The following TRPM5 variants were observed in gnomAD, a reference collection of about 807,000 sequenced individuals.
The protein encoded by TRPM5 is MLSN1 and TRP-related.
TRPM5 carries 121 observed loss-of-function variants against 124.9 expected under a neutral mutation model. The observed-to-expected ratio is 0.97, with a 90% CI of 0.84 to 1.13. The LOEUF (loss-of-function observed/expected upper bound fraction) is 1.13, where lower values mean the gene tolerates loss of function less well. TRPM5 is among the 50% of genes most tolerant of loss of function. The probability of loss-of-function intolerance (pLI) is 0.00; values close to 1 mark genes in which losing one functional copy is unlikely to be tolerated. For synonymous variants in TRPM5, 781 were observed against 700.5 expected, an observed-to-expected ratio of 1.11 and a Z score of -1.81; for missense variants, 1,643 against 1,589.1, an observed-to-expected ratio of 1.03 and a Z score of -0.58.
At chr11:2,409,222 C>T (rs2133503634) in intron 18 of TRPM5, among the ~76,000 whole-genome samples, 1 of 152,292 alleles carries the variant, frequency 6.6e-6, no homozygotes, top group South Asian at 2.1e-4. Flanking sequence ...TAGGCCTGCC[C>T]CTCCTCTGTC....
the TRPM5 span, among the ~76,000 whole-genome samples, chr11:2,443,422 C>G: frequency 6.6e-6 from 1 of 152,206 alleles, no homozygotes; most frequent in African/African-American, 2.4e-5. This position sits in a 1 kb window ranked among gnomAD's most constrained non-coding sequence, Gnocchi z 5.0. Context: ...TCTTCTGACC[C>G]GCTGCCCTTC....
exon 24 of TRPM5, chr11:2,404,829 GGCTGGTGCCCCCTGGGGGGTTCC>G: frequency 1.2e-6 from 1 of 853,418 alleles, no homozygotes; most frequent in Non-Finnish European, 1.9e-6. Context: ...TCTGCTGGGG[GGCTGGTGCCCCCTGGGGGGTTCC>G]GCTGGAGGTC....
At chr11:2,415,945 G>T in exon 8 of TRPM5, 1 of 1,580,568 alleles carries the variant, frequency 6.3e-7, no homozygotes, top group South Asian at 1.2e-5. Flanking sequence ...CACTCTTGGC[G>T]ATGTCCACGC....
the TRPM5 span, among the ~76,000 whole-genome samples, chr11:2,443,176 T>C: frequency 1.3e-5 from 2 of 152,228 alleles, no homozygotes; most frequent in Admixed American, 1.3e-4. This position sits in a 1 kb window ranked among gnomAD's most constrained non-coding sequence, Gnocchi z 5.0. Flanking sequence ...CCCTTTACAC[T>C]TGAGCCTCTG....
chr11:2,439,263 G>A, the TRPM5 span, among the ~76,000 whole-genome samples: 2 of 152,148 alleles, frequency 1.3e-5, no homozygotes, highest in East Asian at 1.9e-4. Context: ...GGACATCAGC[G>A]CTGGGAAAGA....
At chr11:2,442,397 AC>A in the TRPM5 span, among the ~76,000 whole-genome samples, 2 of 145,532 alleles carry the variant, frequency 1.4e-5, no homozygotes, top group African/African-American at 5.6e-5. The surrounding 1 kb of genome is among the most constrained non-coding windows in gnomAD (Gnocchi z 5.9). Context: ...ACACACACAC[AC>A]ACACACACAC....
At chr11:2,413,657 T>C in intron 12 of TRPM5, 69 bp from the exon 18 acceptor site, 1 of 1,442,440 alleles carries the variant, frequency 6.9e-7, no homozygotes, top group Non-Finnish European at 9.6e-7. Flanking sequence ...GCCCCAGGAA[T>C]GCCCTTCCCC....
the TRPM5 span, among the ~76,000 whole-genome samples, chr11:2,432,444 T>C: frequency 8.5e-5 from 13 of 152,300 alleles, no homozygotes; most frequent in Middle Eastern, 3.4e-3. Flanking sequence ...GCAACCCCAA[T>C]GGCTGACTGC....
chr11:2,442,302 CTTT>C, the TRPM5 span, among the ~76,000 whole-genome samples: 3 of 151,432 alleles, frequency 2.0e-5, no homozygotes, highest in Non-Finnish European at 4.4e-5. The surrounding 1 kb of genome is among the most constrained non-coding windows in gnomAD (Gnocchi z 5.9). Context: ...GTTTGTACTT[CTTT>C]GATTTTTTAA....
the TRPM5 span, among the ~76,000 whole-genome samples, chr11:2,439,650 G>A: frequency 6.6e-6 from 1 of 152,146 alleles, no homozygotes; most frequent in Non-Finnish European, 1.5e-5. Flanking sequence ...CAGTCAGAAT[G>A]GCCTTTGTTA....
the TRPM5 span, among the ~76,000 whole-genome samples, chr11:2,442,776 G>A: frequency 1.3e-5 from 2 of 152,122 alleles, no homozygotes; most frequent in African/African-American, 4.8e-5. This position sits in a 1 kb window ranked among gnomAD's most constrained non-coding sequence, Gnocchi z 5.9. Flanking sequence ...AGCAAGCAGT[G>A]GTATCAGAGT....
At chr11:2,422,309 G>T (rs1375684873) in exon 2 of TRPM5, 2 of 1,610,078 alleles carry the variant, frequency 1.2e-6, no homozygotes, top group Admixed American at 1.7e-5. Flanking sequence ...ACTCCGCTCG[G>T]CACCCGTACA....
At position 2,405,525 on chromosome 11, in the gene TRPM5, A is replaced by C; in HGVS notation, c.3391+2T>G. The C allele has an allele frequency of 6.4e-7, 1 of 1,557,100 alleles. No individual in the cohort carries two copies. The highest frequency in any genetic ancestry group is 8.7e-7 in the Non-Finnish European group (1 of 1,150,430). Reference sequence around the variant, plus strand: ...CATCCCACGCTCCCCAAACAGGCTTACTCCGGGGGCCGCCACCCTGGGCCA... The same window carrying C: ...CATCCCACGCTCCCCAAACAGGCTTCCTCCGGGGGCCGCCACCCTGGGCCA... On this transcript the variant is annotated splice_donor_variant, in intron 23 of 23. Coordinates refer to ENST00000155858, the Ensembl canonical transcript of TRPM5. LOFTEE classifies it high-confidence loss of function.
chr11:2,414,014 C>CCCCCCCCCCCCCCCCCCCCCCCCCA, intron 12 of TRPM5, 47 bp downstream of exon 17: 1 of 533,204 alleles, frequency 1.9e-6, no homozygotes, highest in Non-Finnish European at 3.5e-6. Flanking sequence ...AGCTCGCCCG[C>CCCCCCCCCCCCCCCCCCCCCCCCCA]CCACCCCACC....
intron 13 of TRPM5, 81 bp downstream of exon 18, chr11:2,413,395 T>C: frequency 7.2e-7 from 1 of 1,394,836 alleles, no homozygotes; most frequent in Non-Finnish European, 9.8e-7. Context: ...CACCAGCACC[T>C]GCGAGGCCCA....
chr11:2,423,567 C>A (rs77886454), upstream of TRPM5, among the ~76,000 whole-genome samples: 1 of 152,116 alleles, frequency 6.6e-6, no homozygotes, highest in Admixed American at 6.5e-5. Flanking sequence ...GCGGTGTGGA[C>A]GAGAGACCAC....
chr11:2,420,518 GGCTTCT>G, intron 3 of TRPM5, 113 bp from the exon 9 acceptor site: 1 of 1,106,410 alleles, frequency 9.0e-7, no homozygotes. Context: ...CCCCGCACAA[GGCTTCT>G]GCCCGAGCCT....
intron 2 of TRPM5, 93 bp downstream of exon 7, chr11:2,422,048 T>TGGG: frequency 8.0e-7 from 1 of 1,256,100 alleles, no homozygotes; most frequent in Admixed American, 3.1e-5. Context: ...CCCTGTGGGG[T>TGGG]GGGAGCACTG....
At position 2,413,376 on chromosome 11, in the gene TRPM5, T is replaced by C. The variant is rs866399560; in HGVS notation, c.2003+100A>G. The C allele has an allele frequency of 3.8e-6, 5 of 1,323,456 alleles. No homozygotes were observed. In the African/African-American group the frequency reaches 4.4e-5, roughly 12 times the overall value. The allele number at this position is 1,323,456 out of a possible 1,614,324, so 82.0% of individuals were successfully genotyped here. Reference sequence around the variant, plus strand: ...GAGGCTGGACTTGGGGGCTACAGAGTCAGGCTACCACCAGCACCTGCGAGG... The same window carrying C: ...GAGGCTGGACTTGGGGGCTACAGAGCCAGGCTACCACCAGCACCTGCGAGG... On this transcript the variant is annotated intron_variant, in intron 13 of 23. Coordinates refer to ENST00000155858, the Ensembl canonical transcript of TRPM5.
Sources: allele counts gnomAD v4.1 joint callset (sites outside exome capture counted in the v4.1 genomes callset), GRCh38; gene constraint gnomAD v4.1.1; non-coding constraint Gnocchi (gnomAD v3.1); transcripts MANE v1.5; gene names NCBI Gene and HGNC (gene_info 2026-07-23, HGNC 2026-07-21).